Variants in SMARCC1 observed in about 807,000 individuals in gnomAD.
SMARCC1 encodes SWI/SNF complex subunit SMARCC1.
SMARCC1 carries 43 observed loss-of-function variants against 147.4 expected under a neutral mutation model. That is an observed-to-expected ratio of 0.29 (90% CI 0.23 to 0.38). SMARCC1 has a LOEUF of 0.38. Ranked by LOEUF, SMARCC1 falls within the 10% of genes least tolerant of loss-of-function variation. The probability of loss-of-function intolerance (pLI) is 1.00; values close to 1 mark genes in which losing one functional copy is unlikely to be tolerated. For missense variants in SMARCC1, 1,119 were observed against 1,381.1 expected, an observed-to-expected ratio of 0.81 and a Z score of 3.01; for synonymous variants, 495 against 484.4, an observed-to-expected ratio of 1.02 and a Z score of -0.29.
intron 26 of SMARCC1, among the ~76,000 whole-genome samples, chr3:47,603,134 A>C (rs2032416748): frequency 6.6e-6 from 1 of 152,028 alleles, no homozygotes; most frequent in African/African-American, 2.4e-5. Flanking sequence ...AACTTAAAGG[A>C]GATCCCGCCG....
intron 26 of SMARCC1, among the ~76,000 whole-genome samples, chr3:47,598,673 T>C (rs1256307190): frequency 6.6e-6 from 1 of 151,278 alleles, no homozygotes; most frequent in Non-Finnish European, 1.5e-5. Context: ...CTACTAAAAA[T>C]ATAAAAATCA....
In SMARCC1 at chr3:47,706,450, A is replaced by C; in HGVS notation, c.999T>G (p.Pro333=). The change falls in exon 10 of 28, where the codon CCT becomes CCG. Residue 333 remains proline, a synonymous_variant. Coordinates refer to ENST00000254480, the MANE Select transcript of SMARCC1 (RefSeq NM_003074.4). ...TCTTCCGTGATTCTGTTGGTGTCGG[A>C]GGGGGAGGCGAAGGCGAATGTTTCC... ...RKRKHSPSPP[P]PTPTESRKKS... 5.7e-6 allele frequency: 9 copies of C among 1,578,854 alleles called. No individual in the cohort carries two copies. Among genetic ancestry groups the C allele is most frequent in the Non-Finnish European group, 7.7e-6 (9 of 1,166,650 alleles).
At chr3:47,779,928 C>G (rs1166516156) in intron 1 of SMARCC1, among the ~76,000 whole-genome samples, 1 of 152,152 alleles carries the variant, frequency 6.6e-6, no homozygotes, top group African/African-American at 2.4e-5. Flanking sequence ...TTAGCCACTT[C>G]TGGAAGCTCT....
chr3:47,767,608 G>A (rs1419586822), intron 2 of SMARCC1, among the ~76,000 whole-genome samples: 27 of 141,052 alleles, frequency 1.9e-4, no homozygotes, highest in Non-Finnish European at 2.7e-4. Context: ...GGTGGCTCAC[G>A]CCTGTAATCC....
At chr3:47,652,710 G>A (rs1313096973) in intron 21 of SMARCC1, among the ~76,000 whole-genome samples, 3 of 151,556 alleles carry the variant, frequency 2.0e-5, no homozygotes, top group Non-Finnish European at 4.4e-5. Context: ...ATACAATGTG[G>A]ACTAAATATG....
chr3:47,779,899 C>A (rs1315028229), intron 1 of SMARCC1, among the ~76,000 whole-genome samples: 2 of 152,134 alleles, frequency 1.3e-5, no homozygotes, highest in Admixed American at 6.6e-5. Context: ...CCAATATTTT[C>A]ATAACATATT....
At chr3:47,671,445 T>C (rs2106749666) in intron 18 of SMARCC1, among the ~76,000 whole-genome samples, 1 of 152,292 alleles carries the variant, frequency 6.6e-6, no homozygotes, top group Admixed American at 6.5e-5. Flanking sequence ...CGTAAAACAC[T>C]GACAGGTTCT....
intron 6 of SMARCC1, among the ~76,000 whole-genome samples, chr3:47,721,103 CTCTT>C (rs1265469130): frequency 2.0e-5 from 3 of 152,148 alleles, no homozygotes; most frequent in Admixed American, 1.3e-4. Flanking sequence ...CCTCTCATCC[CTCTT>C]TCTGTGAGGC....
chr3:47,713,757 G>C (rs1310182979), intron 8 of SMARCC1, among the ~76,000 whole-genome samples: 1 of 152,134 alleles, frequency 6.6e-6, no homozygotes, highest in African/African-American at 2.4e-5. Context: ...CATTATGGTA[G>C]AAATGATTAA....
At chr3:47,661,098 G>T (rs189802454) in intron 21 of SMARCC1, among the ~76,000 whole-genome samples, 196 bp downstream of exon 21, 1 of 152,056 alleles carries the variant, frequency 6.6e-6, no homozygotes, top group East Asian at 1.9e-4. Flanking sequence ...ACCATTAACA[G>T]TTACAAGATA....
chr3:47,631,321 G>A (rs2032887400), intron 24 of SMARCC1, among the ~76,000 whole-genome samples: 1 of 152,172 alleles, frequency 6.6e-6, no homozygotes, highest in Admixed American at 6.5e-5. Flanking sequence ...TATATATGAG[G>A]TGGTTTGTAG....
At chr3:47,653,004 C>A (rs1457263959) in intron 21 of SMARCC1, among the ~76,000 whole-genome samples, 2 of 142,986 alleles carry the variant, frequency 1.4e-5, no homozygotes, top group Admixed American at 1.5e-4. Context: ...GGCCGGACTG[C>A]GGACTGCAGT....
At chr3:47,632,978 AAAAG>A (rs1419656265) in intron 24 of SMARCC1, among the ~76,000 whole-genome samples, 2 of 152,130 alleles carry the variant, frequency 1.3e-5, no homozygotes, top group East Asian at 1.9e-4. Flanking sequence ...AAAAAAAAAA[AAAAG>A]GAGAAACTAA....
intron 24 of SMARCC1, among the ~76,000 whole-genome samples, chr3:47,629,431 G>T (rs1219218675): frequency 6.6e-6 from 1 of 152,136 alleles, no homozygotes; most frequent in Non-Finnish European, 1.5e-5. Context: ...GGGTTAAGGT[G>T]GCACATCTTC....
intron 2 of SMARCC1, among the ~76,000 whole-genome samples, chr3:47,753,325 CAA>C (rs35435595): frequency 2.9e-4 from 27 of 92,804 alleles, no homozygotes; most frequent in Admixed American, 4.6e-4. Flanking sequence ...ACTCCATCTC[CAA>C]AAAAAAAAAA....
Position 47,636,160 on chromosome 3 carries a change from G to GA in SMARCC1, c.2377-25dup, listed in dbSNP as rs781564093. The GA allele has an allele frequency of 8.0e-4, 1,048 of 1,307,746 alleles. 15 individuals carry two copies. In the East Asian group the frequency reaches 0.023, roughly 28 times the overall value. The allele number at this position is 1,307,746 out of a possible 1,614,324, so 81.0% of individuals were successfully genotyped here. A position where few individuals can be genotyped will look rare whatever the true frequency, so the allele number is the denominator to read the frequency against. On this transcript the variant is annotated intron_variant, in intron 22 of 27. Coordinates refer to ENST00000254480, the MANE Select transcript of SMARCC1 (RefSeq NM_003074.4). ...GCCTGAAAGGGATATAAAACAAGAGGACAGGCAGTGAACAAAAAAACCCCA... is the reference window on the plus strand; with the variant it reads ...GCCTGAAAGGGATATAAAACAAGAGGAACAGGCAGTGAACAAAAAAACCCCA...
intron 26 of SMARCC1, among the ~76,000 whole-genome samples, chr3:47,608,011 G>A (rs2032505221): frequency 6.6e-6 from 1 of 151,956 alleles, no homozygotes; most frequent in Non-Finnish European, 1.5e-5. Context: ...GGTTACTGAG[G>A]GGCAGCAACT....
At chr3:47,704,478 G>A (rs1380177676) in intron 10 of SMARCC1, among the ~76,000 whole-genome samples, 1 of 152,120 alleles carries the variant, frequency 6.6e-6, no homozygotes, top group Non-Finnish European at 1.5e-5. Context: ...TGAGCCTCAT[G>A]CCTCCTAGAG....
At chr3:47,661,549 T>C (rs1254319187) in intron 20 of SMARCC1, 94 bp from the exon 21 acceptor site, 17 of 977,194 alleles carry the variant, frequency 1.7e-5, no homozygotes, top group Admixed American at 2.3e-5. Flanking sequence ...CACAGTATTA[T>C]TGTCTTAGGT....
Sources: allele counts gnomAD v4.1 joint callset (sites outside exome capture counted in the v4.1 genomes callset), GRCh38; gene constraint gnomAD v4.1.1; transcripts MANE v1.5; gene names NCBI Gene and HGNC (gene_info 2026-07-23, HGNC 2026-07-21).